The following RUBCN variants were observed in gnomAD, a reference collection of about 807,000 sequenced individuals.
The protein encoded by RUBCN is run domain Beclin-1-interacting and cysteine-rich domain-containing protein.
A neutral mutation model predicts 113.2 loss-of-function variants in RUBCN; 74 were observed. That is an observed-to-expected ratio of 0.65 (90% CI 0.54 to 0.79). The LOEUF (loss-of-function observed/expected upper bound fraction) is 0.79. Among genes scored for constraint, RUBCN ranks in the 30% least tolerant of loss-of-function variants. The pLI is 0.00. For missense variants in RUBCN, 1,109 were observed against 1,251.7 expected (o/e 0.89, Z 1.72); for synonymous variants, 480 against 490.0 (o/e 0.98, Z 0.27).
intron 11 of RUBCN, among the ~76,000 whole-genome samples, chr3:197,689,748 A>C (rs1421310652): frequency 6.6e-6 from 1 of 152,264 alleles, no homozygotes; most frequent in Non-Finnish European, 1.5e-5. Context: ...ACATGCATAC[A>C]ATGTGTAATG....
chr3:197,730,116 T>G (rs547691252), intron 1 of RUBCN, among the ~76,000 whole-genome samples: 5 of 152,230 alleles, frequency 3.3e-5, no homozygotes, highest in Non-Finnish European at 4.4e-5. Context: ...GAAGAGATTA[T>G]ATGGGTCTAC....
At chr3:197,685,690 G>A (rs1237602654) in intron 11 of RUBCN, among the ~76,000 whole-genome samples, 1 of 152,132 alleles carries the variant, frequency 6.6e-6, no homozygotes, top group Non-Finnish European at 1.5e-5. Flanking sequence ...ACACATTTTT[G>A]CTCGTAATTA....
chr3:197,734,793 TA>T (rs1164256011), intron 1 of RUBCN, among the ~76,000 whole-genome samples: 1 of 152,094 alleles, frequency 6.6e-6, no homozygotes, highest in Non-Finnish European at 1.5e-5. Context: ...GCAGGAAGAA[TA>T]AATAGTCAAA....
At chr3:197,703,526 G>A (rs1480571396) in intron 5 of RUBCN, 22 bp downstream of exon 5, 1 of 1,541,674 alleles carries the variant, frequency 6.5e-7, no homozygotes, top group Admixed American at 1.7e-5. Context: ...CATAGACGTG[G>A]ATAATTCCTT....
intron 1 of RUBCN, among the ~76,000 whole-genome samples, chr3:197,731,640 C>T (rs1727491788): frequency 6.6e-6 from 1 of 151,762 alleles, no homozygotes; most frequent in Admixed American, 6.5e-5. Context: ...CCCCACCTCC[C>T]TCCCGGACGG....
In RUBCN at chr3:197,736,828, C is replaced by G; in HGVS notation, c.-109G>C. On this transcript the variant is annotated 5_prime_UTR_variant, in exon 1 of 20. Transcript: ENST00000296343. ...GGAGGAGGCACCTGCGGCCGGTGGG[C>G]TCCGGGTGATGCGCTACACCCGGGC... The G allele has an allele frequency of 7.0e-7, 1 of 1,420,506 alleles. No homozygotes were observed. The allele number at this position is 1,420,506 out of a possible 1,614,324, so 88.0% of individuals were successfully genotyped here.
intron 11 of RUBCN, among the ~76,000 whole-genome samples, chr3:197,685,198 T>A (rs1721704548): frequency 6.6e-6 from 1 of 152,092 alleles, no homozygotes; most frequent in African/African-American, 2.4e-5. Flanking sequence ...ATACTTTTGA[T>A]GGGGGGGATG....
At position 197,681,083 on chromosome 3, in the gene RUBCN, G is replaced by T; in HGVS notation, c.2430+46C>A. ...GGAGGGACGAGGGGAGGGGATGAGG[G>T]GAGGAGAAGGGCAAGACTCTAAGGT... On this transcript the variant is annotated intron_variant, in intron 16 of 19. Coordinates refer to ENST00000296343, the MANE Select transcript of RUBCN (RefSeq NM_014687.4). This position sits in a 1 kb window ranked among gnomAD's most constrained non-coding sequence, Gnocchi z 5.5. 1 of 1,242,762 alleles carries T rather than the reference G, an allele frequency of 8.0e-7. No homozygotes were observed. Among genetic ancestry groups the T allele is most frequent in the Non-Finnish European group, 1.2e-6 (1 of 845,060 alleles). The allele number at this position is 1,242,762 out of a possible 1,614,324, so 77.0% of individuals were successfully genotyped here.
Position 197,676,763 on chromosome 3 carries a change from T to C in RUBCN, c.2646+122A>G, listed in dbSNP as rs921656691. ...GAACAGCAGCCCTTTCCAGTTCCTC[T>C]CCCAGTGCTGACTGGCCATTTCAAC... On this transcript the variant is annotated intron_variant, in intron 18 of 19. Coordinates refer to ENST00000296343, the MANE Select transcript of RUBCN (RefSeq NM_014687.4). 1.9e-6 allele frequency: 3 copies of C among 1,574,454 alleles called. No individual in the cohort carries two copies. In the African/African-American group the frequency reaches 4.0e-5, roughly 21 times the overall value.
chr3:197,681,365 A>T lies in RUBCN; in HGVS notation c.2194T>A (p.Tyr732Asn). Residue 732 changes from tyrosine to asparagine, a missense_variant and splice_region_variant, in exon 16 of 20, where the codon TAC becomes AAC. Around this residue, in one of 3 missense-constraint regions of RUBCN, gnomAD observed 306 missense variants for 348.9 expected, o/e 0.88. Transcript: ENST00000296343. The surrounding 1 kb of genome is among the most constrained non-coding windows in gnomAD (Gnocchi z 5.5). ...AGCGIRTDPD[Y>N]IKRLRYCEYL... ...TCACAGTACCGCAGTCGCTTGATGT[A>T]ATCTGGAAAAACCGGAAAGCCAGAA... 1.9e-6 allele frequency: 3 copies of T among 1,611,268 alleles called. No individual in the cohort carries two copies. Among genetic ancestry groups the T allele is most frequent in the Non-Finnish European group, 2.5e-6 (3 of 1,177,422 alleles).
intron 1 of RUBCN, among the ~76,000 whole-genome samples, chr3:197,729,247 T>TG (rs1727128351): frequency 8.3e-6 from 1 of 120,290 alleles, no homozygotes; most frequent in Non-Finnish European, 1.8e-5. Flanking sequence ...TTGTTTTTTT[T>TG]GTTTTGTTTT....
At chr3:197,714,961 T>G (rs929598726) in intron 2 of RUBCN, among the ~76,000 whole-genome samples, 1 of 152,118 alleles carries the variant, frequency 6.6e-6, no homozygotes, top group African/African-American at 2.4e-5. Flanking sequence ...ATTTCAAAAC[T>G]CAAAGCTGAT....
chr3:197,704,943 G>A, intron 3 of RUBCN, 149 bp downstream of exon 3: 1 of 761,562 alleles, frequency 1.3e-6, no homozygotes, highest in Non-Finnish European at 2.3e-6. Context: ...AATAAAGTCA[G>A]TCCCTACAGG....
chr3:197,686,685 A>G (rs901193803), intron 11 of RUBCN, among the ~76,000 whole-genome samples: 1 of 152,372 alleles, frequency 6.6e-6, no homozygotes, highest in Admixed American at 6.5e-5. Flanking sequence ...GATGGATTCA[A>G]CGTGTCCCAA....
In RUBCN at chr3:197,681,122, G is replaced by A; in HGVS notation, c.2430+7C>T. 6.2e-7 allele frequency: 1 copy of A among 1,601,172 alleles called. No homozygotes were observed. Among genetic ancestry groups the A allele is most frequent in the African/African-American group, 1.3e-5 (1 of 74,642 alleles). ...AGACTCTAAGGTGGCCTTTTCCAAG[G>A]TCTTACCCGGACTTGATTGAGCAGC... is the stretch of plus-strand genomic sequence containing the variant. On this transcript the variant is annotated splice_region_variant and intron_variant, in intron 16 of 19. Coordinates refer to ENST00000296343, the MANE Select transcript of RUBCN (RefSeq NM_014687.4). The surrounding 1 kb of genome is among the most constrained non-coding windows in gnomAD (Gnocchi z 5.5).
chr3:197,725,321 T>C (rs1388707081), intron 1 of RUBCN, among the ~76,000 whole-genome samples: 2 of 152,004 alleles, frequency 1.3e-5, no homozygotes, highest in African/African-American at 2.4e-5. Flanking sequence ...ATATATTTGC[T>C]GTTTTTAATT....
intron 3 of RUBCN, among the ~76,000 whole-genome samples, 188 bp downstream of exon 3, chr3:197,704,904 T>C (rs184322875): frequency 1.8e-4 from 27 of 151,810 alleles, no homozygotes; most frequent in Non-Finnish European, 3.4e-4. Flanking sequence ...CCTGGACCAA[T>C]GGGTTTGCAT....
chr3:197,713,623 A>G (rs1378805932), intron 2 of RUBCN, among the ~76,000 whole-genome samples: 1 of 152,104 alleles, frequency 6.6e-6, no homozygotes, highest in Non-Finnish European at 1.5e-5. Flanking sequence ...GGAGACAGCT[A>G]ATCTTCTGGA....
chr3:197,711,752 A>G (rs367701918), intron 2 of RUBCN, among the ~76,000 whole-genome samples: 59 of 152,320 alleles, frequency 3.9e-4, no homozygotes, highest in African/African-American at 1.3e-3. Context: ...AGGGAGCAAG[A>G]CTTTTCACTG....
Sources: gnomAD v4.1 joint callset for allele counts (sites outside exome capture counted in the v4.1 genomes callset) on GRCh38, gnomAD v4.1.1 for gene constraint, gnomAD v4.1.1 regional missense constraint, Gnocchi (gnomAD v3.1) non-coding constraint, MANE v1.5 for transcripts, NCBI Gene and HGNC (gene_info 2026-07-23, HGNC 2026-07-21) for gene names.